Variants in NADSYN1 observed in about 807,000 individuals in gnomAD.
NADSYN1 encodes NAD synthetase 1.
A neutral mutation model predicts 99.3 loss-of-function variants in NADSYN1; 80 were observed. The observed-to-expected ratio is 0.81, with a 90% CI of 0.67 to 0.97. The LOEUF (loss-of-function observed/expected upper bound fraction) is 0.97, where lower values mean the gene tolerates loss of function less well. NADSYN1 is among the 50% of genes least tolerant of loss of function. The pLI, the probability that NADSYN1 is intolerant of heterozygous loss-of-function variation, is 0.00. For missense variants in NADSYN1, 859 were observed against 948.5 expected, an observed-to-expected ratio of 0.91 and a Z score of 1.24; for synonymous variants, 385 against 372.1, an observed-to-expected ratio of 1.03 and a Z score of -0.40.
intron 3 of NADSYN1, among the ~76,000 whole-genome samples, chr11:71,463,168 C>A (rs1422400233): frequency 6.6e-6 from 1 of 152,116 alleles, no homozygotes; most frequent in African/African-American, 2.4e-5. Context: ...GAGGGAAGAA[C>A]CCTGTGGTGG....
intron 9 of NADSYN1, 127 bp downstream of exon 9, chr11:71,474,653 C>T (rs1218903550): frequency 8.0e-7 from 1 of 1,251,136 alleles, no homozygotes; most frequent in African/African-American, 1.5e-5. Context: ...GTCCCGCCTG[C>T]TCCTGGCTCT....
At chr11:71,488,620 G>A (rs12576621) in intron 16 of NADSYN1, among the ~76,000 whole-genome samples, 12,587 of 151,586 alleles carry the variant, frequency 0.083, 623 homozygotes, top group African/African-American at 0.14. Context: ...CAGGATAGGC[G>A]CTGCAGAGAT....
chr11:71,477,465 A>G, intron 9 of NADSYN1: 1 of 1,288,058 alleles, frequency 7.8e-7, no homozygotes, highest in South Asian at 1.2e-5. Flanking sequence ...CGGCGGTAGG[A>G]GCAAGGGGCG....
At position 71,484,369 on chromosome 11, in the gene NADSYN1, C is replaced by A. The variant is rs1173980896; in HGVS notation, c.1377C>A (p.Ser459Arg). Reference protein sequence around the residue: ...PAVKAVMGIFSLVTGKSPLFA... With the variant: ...PAVKAVMGIFRLVTGKSPLFA... ...TGAAGGCCGTCATGGGCATCTTCAG[C>A]CTGGTGACGGGGAAGAGCCCTCTGT... The change falls in exon 15 of 21, where the codon AGC becomes AGA. Residue 459 changes from serine to arginine, a missense_variant. Coordinates refer to ENST00000319023, the MANE Select transcript of NADSYN1 (RefSeq NM_018161.5). 1 of 1,614,122 alleles carries A rather than the reference C, an allele frequency of 6.2e-7. No individual in the cohort carries two copies. The highest frequency in any genetic ancestry group is 8.5e-7 in the Non-Finnish European group (1 of 1,180,046).
At chr11:71,476,903 C>T in intron 9 of NADSYN1, 1 of 987,152 alleles carries the variant, frequency 1.0e-6, no homozygotes, top group Non-Finnish European at 1.2e-6. Flanking sequence ...AATCCGGGAG[C>T]CGTTGCCTTA....
chr11:71,486,374 T>C (rs1413144636), intron 16 of NADSYN1, among the ~76,000 whole-genome samples: 1 of 152,138 alleles, frequency 6.6e-6, no homozygotes, highest in African/African-American at 2.4e-5. Context: ...CACCCATCCA[T>C]ATATCCACTC....
At chr11:71,491,999 C>G (rs561996096) in intron 18 of NADSYN1, 96 bp downstream of exon 18, 1 of 1,028,118 alleles carries the variant, frequency 9.7e-7, no homozygotes, top group Non-Finnish European at 1.3e-6. Flanking sequence ...GACCCCAGGA[C>G]AGCTGCATCG....
In NADSYN1 at chr11:71,482,972, A is replaced by G. The variant is rs368077231; in HGVS notation, c.1274A>G (p.Gln425Arg). The change falls in exon 14 of 21, where the codon CAG becomes CGG. Residue 425 changes from glutamine to arginine, a missense_variant. Physicochemically the swap from Gln to Arg is conservative, Grantham distance 43. Coordinates refer to ENST00000319023, the MANE Select transcript of NADSYN1 (RefSeq NM_018161.5). ...TACATGGCCAGCAAGAACTCCTCCC[A>G]GGAGACGTGCACCCGGGCCAGAGAG... is the stretch of plus-strand genomic sequence containing the variant. Reference protein sequence around the residue: ...TCYMASKNSSQETCTRARELA... With the variant: ...TCYMASKNSSRETCTRARELA... The G allele has an allele frequency of 2.8e-5, 45 of 1,612,716 alleles. No homozygotes were observed. The highest frequency in any genetic ancestry group is 3.6e-5 in the Non-Finnish European group (43 of 1,179,610).
chr11:71,471,741 G>T (rs1240199371), intron 5 of NADSYN1, among the ~76,000 whole-genome samples: 1 of 152,190 alleles, frequency 6.6e-6, no homozygotes, highest in Non-Finnish European at 1.5e-5. Context: ...CGTGAATGAG[G>T]GGGAAAGACA....
chr11:71,478,741 G>C (rs1191953374), intron 10 of NADSYN1: 8 of 413,736 alleles, frequency 1.9e-5, no homozygotes. Flanking sequence ...AGCGTGCTAG[G>C]GGCTGCCACA....
At chr11:71,489,150 G>A (rs759390303) in intron 16 of NADSYN1, among the ~76,000 whole-genome samples, 3 of 152,094 alleles carry the variant, frequency 2.0e-5, no homozygotes, top group Non-Finnish European at 4.4e-5. Flanking sequence ...TTGAAGTTAG[G>A]CTTCTAACAA....
chr11:71,485,600 G>C lies in NADSYN1; in HGVS notation c.1514G>C (p.Gly505Ala). The stretch of plus-strand genomic sequence containing the variant: ...GCTCAGTTGAGCCTCTGGTCTCGGG[G>C]TGTCCACGGTGGGCTCCTCGTGCTG... ...LFAQLSLWSR[G>A]VHGGLLVLGS... The change falls in exon 16 of 21, where the codon GGT becomes GCT. Residue 505 changes from glycine (G) to alanine (A), a missense_variant. Transcript: ENST00000319023. The C allele has an allele frequency of 6.4e-7, 1 of 1,562,218 alleles. No homozygotes were observed. The highest frequency in any genetic ancestry group is 8.7e-7 in the Non-Finnish European group (1 of 1,152,236).
chr11:71,467,435 C>T (rs1361488944), intron 5 of NADSYN1, among the ~76,000 whole-genome samples: 1 of 152,080 alleles, frequency 6.6e-6, no homozygotes, highest in Non-Finnish European at 1.5e-5. Context: ...CACAATGAGT[C>T]AGAACCAGCA....
intron 16 of NADSYN1, 118 bp from the exon 17 acceptor site, chr11:71,490,727 T>A: frequency 6.9e-7 from 1 of 1,446,984 alleles, no homozygotes; most frequent in Non-Finnish European, 9.3e-7. Context: ...TCCGGGATGC[T>A]TGAATATGCC....
chr11:71,496,751 G>A (rs774575398), intron 18 of NADSYN1: 8 of 152,422 alleles, frequency 5.2e-5, no homozygotes, highest in Non-Finnish European at 7.3e-5. Flanking sequence ...CTTTCTCCAC[G>A]TGTCCTCCTG....
intron 5 of NADSYN1, among the ~76,000 whole-genome samples, chr11:71,470,370 A>G (rs1001589289): frequency 6.6e-6 from 1 of 152,252 alleles, no homozygotes; most frequent in East Asian, 1.9e-4. Flanking sequence ...GTACAAAGAT[A>G]GGCAAGATTT....
intron 2 of NADSYN1, among the ~76,000 whole-genome samples, chr11:71,457,256 GC>G (rs1430418371): frequency 6.6e-6 from 1 of 152,262 alleles, no homozygotes; most frequent in Admixed American, 6.5e-5. Context: ...TCTCCTGGAT[GC>G]CTTTTCTATC....
At chr11:71,480,957 C>A in intron 11 of NADSYN1, 78 bp downstream of exon 11, 1 of 1,574,320 alleles carries the variant, frequency 6.4e-7, no homozygotes, top group South Asian at 1.1e-5. Context: ...CTGGAGGTCA[C>A]GCAGTGGGTT....
intron 9 of NADSYN1, chr11:71,477,538 C>A: frequency 1.1e-6 from 1 of 952,006 alleles, no homozygotes; most frequent in Non-Finnish European, 1.4e-6. Context: ...TCCCGCTGTC[C>A]CACACTCGTG....
Sources: allele counts gnomAD v4.1 joint callset (sites outside exome capture counted in the v4.1 genomes callset), GRCh38; gene constraint gnomAD v4.1.1; transcripts MANE v1.5; gene names NCBI Gene and HGNC (gene_info 2026-07-23, HGNC 2026-07-21).